The following MACROH2A1 variants were observed in gnomAD, a reference collection of about 807,000 sequenced individuals.
MACROH2A1 encodes the protein core histone macro-H2A.1.
A neutral mutation model predicts 31.6 loss-of-function variants in MACROH2A1; 2 were observed. The ratio of observed to expected loss-of-function variants is 0.06; its 90% CI spans 0.03 to 0.20. The LOEUF (loss-of-function observed/expected upper bound fraction) is 0.20, where lower values mean the gene tolerates loss of function less well. Among genes scored for constraint, MACROH2A1 ranks in the 10% least tolerant of loss-of-function variants. The pLI is 1.00. For synonymous variants in MACROH2A1, 169 were observed against 189.6 expected (o/e 0.89, Z 0.89); for missense variants, 230 against 474.0 (o/e 0.49, Z 4.78).
intron 8 of MACROH2A1, among the ~76,000 whole-genome samples, chr5:135,342,212 C>T (rs1760014041): frequency 6.6e-6 from 1 of 152,236 alleles, no homozygotes; most frequent in African/African-American, 2.4e-5. Flanking sequence ...TCTGCCCTGA[C>T]AGGTCCTCAT....
At chr5:135,348,940 G>A (rs966165459) in intron 6 of MACROH2A1, among the ~76,000 whole-genome samples, 1 of 152,172 alleles carries the variant, frequency 6.6e-6, no homozygotes, top group Non-Finnish European at 1.5e-5. Context: ...CAGAGGAAAA[G>A]CATTAGCACC....
chr5:135,394,701 G>C (rs1002018229), intron 1 of MACROH2A1, among the ~76,000 whole-genome samples: 4 of 152,124 alleles, frequency 2.6e-5, no homozygotes, highest in African/African-American at 9.7e-5. Context: ...TCTGAAACCA[G>C]CTATCCCATT....
intron 4 of MACROH2A1, among the ~76,000 whole-genome samples, chr5:135,368,438 T>C (rs1763790591): frequency 6.6e-6 from 1 of 152,238 alleles, no homozygotes; most frequent in South Asian, 2.1e-4. Flanking sequence ...ATTCCACAGA[T>C]GCATTTCCAG....
chr5:135,370,723 T>A (rs914216523), intron 2 of MACROH2A1, among the ~76,000 whole-genome samples: 2 of 152,184 alleles, frequency 1.3e-5, no homozygotes, highest in African/African-American at 4.8e-5. Context: ...GGGGAGGTTG[T>A]TGTAGATTCA....
intron 3 of MACROH2A1, 31 bp downstream of exon 3, chr5:135,370,005 A>C: frequency 7.2e-7 from 1 of 1,390,546 alleles, no homozygotes; most frequent in Non-Finnish European, 1.0e-6. Flanking sequence ...CACCTGCTCA[A>C]ACATCAGTGG....
intron 5 of MACROH2A1, chr5:135,359,359 T>C (rs1397342018): frequency 2.0e-6 from 2 of 984,784 alleles, no homozygotes; most frequent in Middle Eastern, 5.2e-4. Context: ...TCTTCACTGC[T>C]GAGTCGAAAT....
chr5:135,355,508 GTTT>G (rs565850487), intron 5 of MACROH2A1: 1 of 275,430 alleles, frequency 3.6e-6, no homozygotes, highest in Non-Finnish European at 7.2e-6. Context: ...AGCCACAAAA[GTTT>G]TTTTGCTGTA....
At chr5:135,372,624 C>A (rs894016718) in intron 2 of MACROH2A1, among the ~76,000 whole-genome samples, 19 of 152,238 alleles carry the variant, frequency 1.2e-4, no homozygotes, top group African/African-American at 4.6e-4. Context: ...GCCAGCCCAG[C>A]TTGGCCTTCA....
chr5:135,355,456 T>G (rs1762069350), intron 5 of MACROH2A1: 1 of 341,408 alleles, frequency 2.9e-6, no homozygotes, highest in Admixed American at 3.9e-5. Flanking sequence ...TATGCTCTGC[T>G]ATGCACTGGG....
intron 8 of MACROH2A1, among the ~76,000 whole-genome samples, chr5:135,337,529 T>G (rs192384150): frequency 6.2e-4 from 94 of 152,394 alleles, no homozygotes; most frequent in African/African-American, 2.2e-3. Context: ...TATGTGACTT[T>G]CAGTGAGGAA....
intron 5 of MACROH2A1, chr5:135,358,924 C>T (rs1200168543): frequency 3.0e-6 from 3 of 985,292 alleles, no homozygotes; most frequent in Non-Finnish European, 3.6e-6. Context: ...GAGAAGCTAG[C>T]AAGATGTCTG....
rs149123331 is a variant in MACROH2A1 at position 135,385,681 on chromosome 5, C to A, written c.172+3241G>T. ...GATAAGTGGTTGGCAGATCCCCTTT[C>A]CCAGTTCTTGTGGGGCTGGCTGGCA... On this transcript the variant is annotated intron_variant, in intron 2 of 8. Coordinates refer to ENST00000511689, the MANE Select transcript of MACROH2A1 (RefSeq NM_138610.3). 2.4e-3 allele frequency among the ~76,000 whole-genome samples: 367 copies of A among 152,276 alleles called. 2 individuals are homozygous for A. Among genetic ancestry groups the A allele is most frequent in the African/African-American group, 8.6e-3 (358 of 41,558 alleles).
At chr5:135,353,870 G>C (rs1458357794) in intron 5 of MACROH2A1, 2 of 152,228 alleles carry the variant, frequency 1.3e-5, no homozygotes, top group Non-Finnish European at 2.9e-5. Context: ...TGGCATCTGA[G>C]TATTCGAAGA....
In MACROH2A1 at chr5:135,334,726, AG is replaced by A; in HGVS notation, c.*249del. ...TTAAAATAAAACTATAAAATCTCCTAGGTTACACTAAGTCAGACACGGTCTG... is the reference window on the plus strand; with the variant it reads ...TTAAAATAAAACTATAAAATCTCCTAGTTACACTAAGTCAGACACGGTCTG... On this transcript the variant is annotated 3_prime_UTR_variant, in exon 9 of 9. Coordinates refer to ENST00000511689, the MANE Select transcript of MACROH2A1 (RefSeq NM_138610.3). 2.4e-6 allele frequency: 1 copy of A among 411,698 alleles called. No individual in the cohort carries two copies. The highest frequency in any genetic ancestry group is 4.0e-5 in the East Asian group (1 of 25,274). The allele number at this position is 411,698 out of a possible 1,614,324, so 25.5% of individuals were successfully genotyped here.
At chr5:135,348,780 T>C (rs940365476) in intron 6 of MACROH2A1, among the ~76,000 whole-genome samples, 6 of 152,158 alleles carry the variant, frequency 3.9e-5, no homozygotes, top group Admixed American at 6.5e-5. Flanking sequence ...CCTTGGCCAG[T>C]TGGGGTGTCT....
intron 2 of MACROH2A1, among the ~76,000 whole-genome samples, chr5:135,381,021 T>C (rs148064035): frequency 6.6e-6 from 1 of 152,272 alleles, no homozygotes; most frequent in Admixed American, 6.5e-5. Flanking sequence ...GAAATAAGTA[T>C]ACAACAAGAC....
chr5:135,385,797 T>C (rs1766325413), intron 2 of MACROH2A1, among the ~76,000 whole-genome samples: 1 of 152,214 alleles, frequency 6.6e-6, no homozygotes, highest in Non-Finnish European at 1.5e-5. Flanking sequence ...GGCCCTCGTT[T>C]GGCCTGCTTT....
At chr5:135,337,421 C>T (rs1323150276) in intron 8 of MACROH2A1, among the ~76,000 whole-genome samples, 2 of 152,264 alleles carry the variant, frequency 1.3e-5, no homozygotes, top group African/African-American at 2.4e-5. Context: ...TGGAACACAC[C>T]AAAAGTGTGC....
At chr5:135,377,608 C>G (rs1333632343) in intron 2 of MACROH2A1, among the ~76,000 whole-genome samples, 1 of 152,222 alleles carries the variant, frequency 6.6e-6, no homozygotes, top group Non-Finnish European at 1.5e-5. Flanking sequence ...GACAGGGGAG[C>G]AGCTTCGCCC....
Sources: gnomAD v4.1 joint callset for allele counts (sites outside exome capture counted in the v4.1 genomes callset) on GRCh38, gnomAD v4.1.1 for gene constraint, MANE v1.5 for transcripts, NCBI Gene and HGNC (gene_info 2026-07-23, HGNC 2026-07-21) for gene names.